The following WDR33 variants were observed in gnomAD, a reference collection of about 807,000 sequenced individuals.
WDR33 encodes pre-mRNA 3' end processing protein WDR33.
WDR33 carries 47 observed loss-of-function variants against 164.9 expected under a neutral mutation model. The ratio of observed to expected loss-of-function variants is 0.29; its 90% confidence interval spans 0.23 to 0.36. WDR33 has a LOEUF of 0.36. Among genes scored for constraint, WDR33 ranks in the 10% least tolerant of loss-of-function variants. The pLI, the probability that WDR33 is intolerant of heterozygous loss-of-function variation, is 1.00. For synonymous variants in WDR33, 505 were observed against 589.0 expected, an observed-to-expected ratio of 0.86 and a Z score of 2.06; for missense variants, 1,137 against 1,754.1, an observed-to-expected ratio of 0.65 and a Z score of 6.28.
intron 7 of WDR33, among the ~76,000 whole-genome samples, chr2:127,754,339 C>T (rs1687456622): frequency 6.6e-6 from 1 of 152,158 alleles, no homozygotes; most frequent in Non-Finnish European, 1.5e-5. Flanking sequence ...TATAACTTCC[C>T]TGACAGGTAG....
chr2:127,737,107 T>C, intron 7 of WDR33: 1 of 985,434 alleles, frequency 1.0e-6, no homozygotes, highest in South Asian at 4.7e-5. Flanking sequence ...TTCTCCTCTG[T>C]GGACTTTTTA....
rs1294726947 is a variant in WDR33 at position 127,735,378 on chromosome 2, CT to C, written c.725-8602del. On this transcript the variant is annotated intron_variant, in intron 7 of 21. Transcript: ENST00000322313. The surrounding 1 kb of genome is among the most constrained non-coding windows in gnomAD (Gnocchi z 4.3). Reference sequence around the variant, plus strand: ...AGGATCCCAAAGCTCGGTGAACAGTCTGAAAACCAATACATAATAAGTTTTA... The same window carrying C: ...AGGATCCCAAAGCTCGGTGAACAGTCGAAAACCAATACATAATAAGTTTTA... The C allele has an allele frequency of 1.4e-5, 14 of 985,762 alleles. No homozygotes were observed. Among genetic ancestry groups the C allele is most frequent in the Non-Finnish European group, 1.6e-5 (13 of 829,904 alleles). The allele number at this position is 985,762 out of a possible 1,614,324, so 61.1% of individuals were successfully genotyped here.
chr2:127,730,911 T>C (rs575463119), intron 7 of WDR33, among the ~76,000 whole-genome samples: 2 of 151,714 alleles, frequency 1.3e-5, no homozygotes, highest in East Asian at 3.9e-4. Context: ...TTTTGTTTGT[T>C]TGTTTGTTTA....
chr2:127,803,968 A>G (rs1689344569), intron 1 of WDR33, among the ~76,000 whole-genome samples: 1 of 149,320 alleles, frequency 6.7e-6, no homozygotes, highest in African/African-American at 2.5e-5. Flanking sequence ...AAAAAAAAAA[A>G]GACCAAAAGC....
chr2:127,710,286 G>A lies in WDR33; in HGVS notation c.3309-430C>T. ...AGTCTTGACCCTCGGCCCAGGTTCT[G>A]TATCACTGCCTCACAAATACTTATC... is the stretch of plus-strand genomic sequence containing the variant. On this transcript the variant is annotated intron_variant, in intron 18 of 21. Transcript: ENST00000322313. This position sits in a 1 kb window ranked among gnomAD's most constrained non-coding sequence, Gnocchi z 4.4. 6.6e-6 allele frequency among the ~76,000 whole-genome samples: 1 copy of A among 152,200 alleles called. No individual in the cohort carries two copies. Among genetic ancestry groups the A allele is most frequent in the East Asian group, 1.9e-4 (1 of 5,200 alleles).
intron 1 of WDR33, among the ~76,000 whole-genome samples, chr2:127,794,833 C>CAAAAAAA (rs990234716): frequency 1.3e-5 from 1 of 79,260 alleles, no homozygotes; most frequent in African/African-American, 3.9e-5. Flanking sequence ...GACTCCGTTT[C>CAAAAAAA]AAAAAAAAAA....
At chr2:127,760,141 GGAATATTACATCACTGA>G (rs1687634776) in intron 7 of WDR33, among the ~76,000 whole-genome samples, 1 of 152,164 alleles carries the variant, frequency 6.6e-6, no homozygotes, top group African/African-American at 2.4e-5. Context: ...TGTGAAGTAA[GGAATATTACATCACTGA>G]GAATGTCTGT....
intron 1 of WDR33, among the ~76,000 whole-genome samples, chr2:127,778,248 C>T (rs1251463744): frequency 6.6e-6 from 1 of 151,950 alleles, no homozygotes; most frequent in Non-Finnish European, 1.5e-5. Context: ...ACCAGCCTGG[C>T]CAACATGGCA....
rs915813229 is a variant in WDR33 at position 127,705,478 on chromosome 2, C to T, written c.*845G>A. The T allele has an allele frequency of 6.6e-6, 1 of 152,196 alleles. No individual in the cohort carries two copies. Among genetic ancestry groups the T allele is most frequent in the Non-Finnish European group, 1.5e-5 (1 of 68,028 alleles). 9.4% of individuals were successfully genotyped at this position (152,196 alleles called of 1,614,324 possible). ...CCTATTTTGGTCCATTCCTTATCAA[C>T]TCCATGTGTGATTTCAAGTTATCTA... On this transcript the variant is annotated 3_prime_UTR_variant, in exon 22 of 22. Transcript: ENST00000322313. The surrounding 1 kb of genome is among the most constrained non-coding windows in gnomAD (Gnocchi z 4.5).
chr2:127,702,126 C>T lies in WDR33; in HGVS notation c.*4197G>A. The T allele has an allele frequency of 8.2e-7, 1 of 1,216,408 alleles. No individual in the cohort carries two copies. The highest frequency in any genetic ancestry group is 1.0e-6 in the Non-Finnish European group (1 of 979,160). The allele number at this position is 1,216,408 out of a possible 1,614,324, so 75.4% of individuals were successfully genotyped here. A position where few individuals can be genotyped will look rare whatever the true frequency, so the allele number is the denominator to read the frequency against. ...CGGCGGCACCGCGCTGCGCCTCGCA[C>T]TGGGTCGCCTGGGCCGCGGCGCCGG... On this transcript the variant is annotated 3_prime_UTR_variant, in exon 22 of 22. Coordinates refer to ENST00000322313, the MANE Select transcript of WDR33 (RefSeq NM_018383.5).
chr2:127,751,136 G>A (rs1453037866), intron 7 of WDR33, among the ~76,000 whole-genome samples: 2 of 151,876 alleles, frequency 1.3e-5, no homozygotes, highest in Admixed American at 6.6e-5. Context: ...AGAGGCGGGA[G>A]GATCACTTGA....
chr2:127,755,942 C>A (rs903009313), intron 7 of WDR33, among the ~76,000 whole-genome samples: 1 of 152,068 alleles, frequency 6.6e-6, no homozygotes, highest in East Asian at 1.9e-4. Flanking sequence ...AATTTCCATT[C>A]GTGACAAAAC....
chr2:127,790,935 G>A (rs1688822029), intron 1 of WDR33, among the ~76,000 whole-genome samples: 1 of 152,080 alleles, frequency 6.6e-6, no homozygotes, highest in Non-Finnish European at 1.5e-5. Context: ...TCATTTTAAT[G>A]TCTGTAAGAT....
At position 127,706,530 on chromosome 2, in the gene WDR33, A is replaced by G. The variant is rs747684123; in HGVS notation, c.3804T>C (p.Ala1268=). The change falls in exon 22 of 22, where the codon GCT becomes GCC. Residue 1268 remains alanine, a synonymous_variant. Transcript: ENST00000322313. This position sits in a 1 kb window ranked among gnomAD's most constrained non-coding sequence, Gnocchi z 5.1. ...GGKGRGGPGP[A]QRVPKSGRSS... ...AACGCCCAGATTTGGGCACTCTCTG[A>G]GCAGGTCCTGGGCCCCCTCGGCCTG... 2 of 1,611,306 alleles carry G rather than the reference A, an allele frequency of 1.2e-6. No homozygotes were observed. Among genetic ancestry groups the G allele is most frequent in the Non-Finnish European group, 1.7e-6 (2 of 1,178,966 alleles).
chr2:127,808,649 C>T (rs949786366), intron 1 of WDR33, among the ~76,000 whole-genome samples: 2 of 152,268 alleles, frequency 1.3e-5, no homozygotes, highest in South Asian at 2.1e-4. Flanking sequence ...AATCCCAGCA[C>T]TTTGGGAGGC....
Position 127,768,950 on chromosome 2 carries a change from C to T in WDR33, c.256G>A (p.Ala86Thr). Residue 86 changes from alanine to threonine, a missense_variant, in exon 3 of 22, where the codon GCA (alanine) becomes ACA (threonine). By Grantham distance (58) the Ala-to-Thr change is moderately conservative (BLOSUM62 0). Transcript: ENST00000322313. ...QRDMRAIQPDAGYYNDLVPPI... is the reference protein window; with the variant it reads ...QRDMRAIQPDTGYYNDLVPPI... ...GTACTTACATCATTGTAATAACCTG[C>T]ATCAGGCTGAATTGCCCGCATATCT... 1.9e-6 allele frequency: 3 copies of T among 1,591,478 alleles called. No homozygotes were observed. Among genetic ancestry groups the T allele is most frequent in the East Asian group, 2.3e-5 (1 of 43,042 alleles).
intron 1 of WDR33, among the ~76,000 whole-genome samples, chr2:127,785,403 C>T (rs190292222): frequency 1.3e-5 from 2 of 152,310 alleles, no homozygotes; most frequent in African/African-American, 4.8e-5. Flanking sequence ...TGAGTTGTGA[C>T]AAATGTCTAA....
At chr2:127,744,633 T>C (rs894106398) in intron 7 of WDR33, among the ~76,000 whole-genome samples, 2 of 152,222 alleles carry the variant, frequency 1.3e-5, no homozygotes, top group African/African-American at 2.4e-5. Context: ...GTTGACTTTT[T>C]ACTTCTAAGT....
chr2:127,778,039 A>G (rs1688242168), intron 1 of WDR33, among the ~76,000 whole-genome samples: 1 of 152,178 alleles, frequency 6.6e-6, no homozygotes, highest in South Asian at 2.1e-4. Flanking sequence ...CATGCTTGTA[A>G]TCCCAAAACT....
Sources: allele counts gnomAD v4.1 joint callset (sites outside exome capture counted in the v4.1 genomes callset), GRCh38; gene constraint gnomAD v4.1.1; non-coding constraint Gnocchi (gnomAD v3.1); transcripts MANE v1.5; gene names NCBI Gene and HGNC (gene_info 2026-07-23, HGNC 2026-07-21).